Variants in UFL1 observed in about 807,000 individuals in gnomAD.
UFL1 encodes E3 UFM1-protein ligase 1.
A neutral mutation model predicts 99.3 loss-of-function variants in UFL1; 78 were observed. The observed-to-expected ratio is 0.79, with a 90% CI of 0.65 to 0.95. The LOEUF is 0.95. UFL1 is among the 40% of genes least tolerant of loss of function. The pLI, the probability that UFL1 is intolerant of heterozygous loss-of-function variation, is 0.00. For synonymous variants in UFL1, 335 were observed against 322.2 expected (o/e 1.04, Z -0.42); for missense variants, 936 against 937.0 (o/e 1.00, Z 0.01).
In UFL1 at chr6:96,539,368, C is replaced by T. The variant is rs907537476; in HGVS notation, c.1158+558C>T. 3.3e-5 allele frequency among the ~76,000 whole-genome samples: 5 copies of T among 151,722 alleles called. No individual in the cohort carries two copies. The East Asian group carries it at 9.7e-4, about 29-fold the overall frequency. On this transcript the variant is annotated intron_variant, in intron 10 of 18. Coordinates refer to ENST00000369278, the MANE Select transcript of UFL1 (RefSeq NM_015323.5). The stretch of plus-strand genomic sequence containing the variant: ...TGTTTCTAGTTGGCAGCATCATCTC[C>T]TTATAAAGCCTGCTCTCAAATAGGT...
intron 1 of UFL1, 141 bp from the exon 2 acceptor site, chr6:96,523,005 A>G (rs1769642054): frequency 2.9e-6 from 2 of 680,942 alleles, no homozygotes; most frequent in Admixed American, 3.7e-5. Context: ...TGAATCAGTT[A>G]GTGAAAAATA....
intron 5 of UFL1, 81 bp downstream of exon 5, chr6:96,526,516 A>T (rs886521741): frequency 2.8e-6 from 3 of 1,076,010 alleles, no homozygotes; most frequent in South Asian, 1.4e-5. Flanking sequence ...GGGGAAAAAA[A>T]AATGAGACTT....
intron 12 of UFL1, among the ~76,000 whole-genome samples, chr6:96,545,359 G>C (rs1769985166): frequency 6.6e-6 from 1 of 151,026 alleles, no homozygotes; most frequent in Admixed American, 6.6e-5. Flanking sequence ...GGGTAGGCAT[G>C]ACATTTGCAC....
intron 6 of UFL1, 43 bp from the exon 7 acceptor site, chr6:96,534,220 T>TATA: frequency 7.5e-7 from 1 of 1,325,558 alleles, no homozygotes; most frequent in Non-Finnish European, 1.0e-6. Context: ...TCTATAACAC[T>TATA]ATAATGAGTA....
intron 4 of UFL1, 32 bp downstream of exon 4, chr6:96,525,426 CTTTG>C (rs1769684682): frequency 2.7e-6 from 4 of 1,500,588 alleles, no homozygotes; most frequent in Non-Finnish European, 3.7e-6. Flanking sequence ...TTTAAGAGCA[CTTTG>C]TTTATTTTCT....
At chr6:96,530,345 G>A (rs1472083956) in intron 6 of UFL1, among the ~76,000 whole-genome samples, 1 of 152,108 alleles carries the variant, frequency 6.6e-6, no homozygotes, top group African/African-American at 2.4e-5. Flanking sequence ...TCTTTTGATA[G>A]GAATATCTCA....
intron 6 of UFL1, among the ~76,000 whole-genome samples, chr6:96,531,967 T>A (rs540759827): frequency 1.7e-4 from 26 of 152,324 alleles, no homozygotes; most frequent in African/African-American, 6.3e-4. Flanking sequence ...ACTTTTCTAG[T>A]CTAACTTCAA....
Position 96,553,748 on chromosome 6 carries a change from T to G in UFL1, c.*245T>G, listed in dbSNP as rs1331490474. 1 of 362,252 alleles carries G rather than the reference T, an allele frequency of 2.8e-6. No individual in the cohort carries two copies. Among genetic ancestry groups the G allele is most frequent in the Non-Finnish European group, 5.0e-6 (1 of 201,428 alleles). 22.4% of individuals were successfully genotyped at this position (362,252 alleles called of 1,614,324 possible). ...TTTTCACACAAATACTATATGAAAT[T>G]TTTCACATTATTTTCACATAATTTT... On this transcript the variant is annotated 3_prime_UTR_variant, in exon 19 of 19. Coordinates refer to ENST00000369278, the MANE Select transcript of UFL1 (RefSeq NM_015323.5).
At chr6:96,527,233 T>C (rs1274359386) in intron 5 of UFL1, among the ~76,000 whole-genome samples, 1 of 152,168 alleles carries the variant, frequency 6.6e-6, no homozygotes, top group East Asian at 1.9e-4. Context: ...TTGAATACTG[T>C]CTGCACCACT....
intron 1 of UFL1, among the ~76,000 whole-genome samples, chr6:96,522,371 T>C (rs550838606): frequency 1.5e-4 from 23 of 152,182 alleles, no homozygotes; most frequent in African/African-American, 5.3e-4. Context: ...ACTTGGCAAA[T>C]AGTATGTTGA....
intron 6 of UFL1, among the ~76,000 whole-genome samples, chr6:96,531,213 G>A (rs756553157): frequency 4.1e-4 from 63 of 152,120 alleles, no homozygotes; most frequent in Admixed American, 7.2e-4. Context: ...GTGCTAAAAA[G>A]GATGGGGACC....
intron 7 of UFL1, among the ~76,000 whole-genome samples, chr6:96,535,147 A>G (rs1769835083): frequency 6.6e-6 from 1 of 152,020 alleles, no homozygotes; most frequent in Non-Finnish European, 1.5e-5. Flanking sequence ...TAAATTGAGG[A>G]TCGTGTGTTG....
chr6:96,554,931 A>G lies in UFL1; in HGVS notation c.*1428A>G, dbSNP rs889871531. On this transcript the variant is annotated 3_prime_UTR_variant, in exon 19 of 19. Coordinates refer to ENST00000369278, the MANE Select transcript of UFL1 (RefSeq NM_015323.5). ...TCAGCTTCTAAAATATTGAACACCC[A>G]GACTTTTAATTCAACCTTTAAGAAC... The G allele has an allele frequency of 2.6e-5, 4 of 152,620 alleles. No individual in the cohort carries two copies. Among genetic ancestry groups the G allele is most frequent in the African/African-American group, 9.6e-5 (4 of 41,476 alleles). 9.5% of individuals were successfully genotyped at this position (152,620 alleles called of 1,614,324 possible).
chr6:96,524,600 G>A (rs960443656), intron 3 of UFL1, among the ~76,000 whole-genome samples, 190 bp downstream of exon 3: 4 of 152,052 alleles, frequency 2.6e-5, no homozygotes, highest in South Asian at 4.2e-4. Context: ...TAATAAATTC[G>A]GATTTATTGA....
At chr6:96,541,672 T>TA (rs1450687086) in intron 11 of UFL1, among the ~76,000 whole-genome samples, 2 of 151,268 alleles carry the variant, frequency 1.3e-5, no homozygotes, top group African/African-American at 4.8e-5. Flanking sequence ...TATTTGAAGA[T>TA]ATAGTTATAA....
chr6:96,552,086 A>T (rs1770089472), intron 17 of UFL1, among the ~76,000 whole-genome samples, 163 bp downstream of exon 17: 1 of 152,042 alleles, frequency 6.6e-6, no homozygotes, highest in African/African-American at 2.4e-5. Flanking sequence ...AAGTCTTAAA[A>T]TAGTTAGATA....
intron 12 of UFL1, 56 bp downstream of exon 12, chr6:96,543,072 T>G (rs1474377999): frequency 6.5e-7 from 1 of 1,532,110 alleles, no homozygotes; most frequent in Non-Finnish European, 8.7e-7. Flanking sequence ...GTAACATATT[T>G]TCTTAAGATG....
chr6:96,552,727 G>A, intron 18 of UFL1, 65 bp downstream of exon 18: 2 of 1,426,336 alleles, frequency 1.4e-6, no homozygotes, highest in East Asian at 2.5e-5. Flanking sequence ...TGAGTGGATT[G>A]AGATGAATTA....
rs956134431 is a variant in UFL1, at chr6:96,528,625, A to T, written c.589A>T (p.Ile197Phe). The T allele has an allele frequency of 6.2e-7, 1 of 1,610,874 alleles. No individual in the cohort carries two copies. The highest frequency in any genetic ancestry group is 1.3e-5 in the African/African-American group (1 of 74,762). Reference protein sequence around the residue: ...KARIRGLFSAITRPTAVNSLI... With the variant: ...KARIRGLFSAFTRPTAVNSLI... ...ACGTATCCGTGGACTATTCAGTGCT[A>T]TTACCCGGTAAGTATATTTTAAAGT... Residue 197 changes from isoleucine (I) to phenylalanine (F), a missense_variant, in exon 6 of 19, where the codon ATT becomes TTT. Transcript: ENST00000369278.
Sources: allele counts gnomAD v4.1 joint callset (sites outside exome capture counted in the v4.1 genomes callset), GRCh38; gene constraint gnomAD v4.1.1; transcripts MANE v1.5; gene names NCBI Gene and HGNC (gene_info 2026-07-23, HGNC 2026-07-21).